Variants in FREM3 observed in about 807,000 individuals in gnomAD.
FREM3 encodes FRAS1 related extracellular matrix 3, also known as FRAS1-related extracellular matrix protein 3.
In FREM3, 105 loss-of-function variants were observed where a neutral mutation model predicts 129.1. That is an observed-to-expected ratio of 0.81 (90% confidence interval 0.69 to 0.96). FREM3 has a LOEUF of 0.96. FREM3 is among the 40% of genes least tolerant of loss of function. The pLI, the probability that FREM3 is intolerant of heterozygous loss-of-function variation, is 0.00. For missense variants in FREM3, 2,593 were observed against 2,666.3 expected, an observed-to-expected ratio of 0.97 and a Z score of 0.61; for synonymous variants, 1,014 against 1,044.9, an observed-to-expected ratio of 0.97 and a Z score of 0.57.
intron 6 of FREM3, among the ~76,000 whole-genome samples, chr4:143,589,273 T>C (rs1489434263): frequency 2.0e-5 from 3 of 152,356 alleles, no homozygotes; most frequent in Non-Finnish European, 4.4e-5. Flanking sequence ...TTTTGGCTTT[T>C]GTTGCCATTG....
chr4:143,697,568 G>A lies in FREM3; in HGVS notation c.3108C>T (p.Ser1036=). The A allele has an allele frequency of 2.0e-6, 3 of 1,537,484 alleles. No homozygotes were observed. Among genetic ancestry groups the A allele is most frequent in the South Asian group, 1.2e-5 (1 of 84,060 alleles). Residue 1036 remains serine, a synonymous_variant, in exon 1 of 8, where the codon AGC becomes AGT. Coordinates refer to ENST00000329798, the MANE Select transcript of FREM3 (RefSeq NM_001168235.2). ...GGTAAGAATCTTTGGAGAGGATGAG[G>A]CTGAAGGCATCGTGCTGCTTTTGAA... ...VGFQKQHDAF[S]LILSKDSYQW...
At chr4:143,671,713 ACT>A (rs1253344280) in intron 2 of FREM3, among the ~76,000 whole-genome samples, 5 of 152,148 alleles carry the variant, frequency 3.3e-5, no homozygotes, top group African/African-American at 1.2e-4. Context: ...CCCACTTTTG[ACT>A]CAATATCTAA....
chr4:143,601,584 A>G (rs1738573048), intron 6 of FREM3, among the ~76,000 whole-genome samples: 1 of 152,166 alleles, frequency 6.6e-6, no homozygotes, highest in Non-Finnish European at 1.5e-5. Flanking sequence ...AGTGTTCTCA[A>G]TTTTATCTTG....
intron 5 of FREM3, among the ~76,000 whole-genome samples, chr4:143,618,964 C>G (rs564844841): frequency 6.6e-6 from 1 of 152,228 alleles, no homozygotes; most frequent in Non-Finnish European, 1.5e-5. Context: ...CTTAGCCAAA[C>G]AATGCATAAC....
intron 7 of FREM3, among the ~76,000 whole-genome samples, chr4:143,578,409 A>G (rs1738077391): frequency 1.3e-5 from 2 of 152,202 alleles, no homozygotes; most frequent in Non-Finnish European, 2.9e-5. Context: ...ATCAAATGTA[A>G]TGATCGTAAC....
At chr4:143,630,922 A>G (rs750283513) in intron 2 of FREM3, among the ~76,000 whole-genome samples, 16 of 152,154 alleles carry the variant, frequency 1.1e-4, no homozygotes, top group East Asian at 1.9e-4. Flanking sequence ...TAACAACTCA[A>G]TGGGGTTTTG....
chr4:143,613,851 C>T (rs993294965), intron 5 of FREM3, among the ~76,000 whole-genome samples: 1 of 152,160 alleles, frequency 6.6e-6, no homozygotes, highest in Non-Finnish European at 1.5e-5. Flanking sequence ...CGCATAGTAA[C>T]TAACACTATC....
At chr4:143,579,736 A>G (rs777650882) in intron 7 of FREM3, among the ~76,000 whole-genome samples, 11 of 152,238 alleles carry the variant, frequency 7.2e-5, no homozygotes, top group African/African-American at 1.2e-4. Flanking sequence ...TATAATAATT[A>G]TTAATGTAAC....
chr4:143,679,456 T>C (rs551873486), intron 2 of FREM3, among the ~76,000 whole-genome samples: 1 of 152,288 alleles, frequency 6.6e-6, no homozygotes, highest in East Asian at 1.9e-4. Context: ...ACTTATAAGA[T>C]GATCAAAAGT....
At chr4:143,662,876 G>A (rs1739764628) in intron 2 of FREM3, among the ~76,000 whole-genome samples, 2 of 151,998 alleles carry the variant, frequency 1.3e-5, no homozygotes, top group African/African-American at 2.4e-5. Context: ...TTGGTTTAAA[G>A]TGTGTTTTAT....
chr4:143,692,175 C>T (rs1030805353), intron 2 of FREM3, among the ~76,000 whole-genome samples: 4 of 152,078 alleles, frequency 2.6e-5, no homozygotes, highest in African/African-American at 9.7e-5. Context: ...TTAGTCAATC[C>T]TCTTAGCAAC....
At chr4:143,591,117 A>C (rs1738352302) in intron 6 of FREM3, among the ~76,000 whole-genome samples, 1 of 151,348 alleles carries the variant, frequency 6.6e-6, no homozygotes, top group East Asian at 1.9e-4. Flanking sequence ...CGTCTATTTG[A>C]TTCTTCTCTC....
chr4:143,619,909 A>C (rs189702627), intron 5 of FREM3, among the ~76,000 whole-genome samples: 1 of 152,298 alleles, frequency 6.6e-6, no homozygotes, highest in Admixed American at 6.5e-5. Context: ...TGGGAGAGGA[A>C]GAAAAGCTGG....
At chr4:143,601,583 A>G (rs1393639777) in intron 6 of FREM3, among the ~76,000 whole-genome samples, 1 of 152,212 alleles carries the variant, frequency 6.6e-6, no homozygotes, top group African/African-American at 2.4e-5. Context: ...AAGTGTTCTC[A>G]ATTTTATCTT....
In FREM3 at chr4:143,627,687, A is replaced by C. The variant is rs1326826828; in HGVS notation, c.5349T>G (p.Ile1783Met). Residue 1783 changes from isoleucine (I) to methionine (M), a missense_variant, in exon 3 of 8, where the codon ATT becomes ATG. Physicochemically the swap from Ile to Met is conservative, Grantham distance 10. Transcript: ENST00000329798. ...CTAAGAATGTGGAATCTTCATCCAC[A>C]ATGTAGTACTCTTTCTCCAAACAAA... ...AWICLEKEYY[I>M]VDEDSTFLEV... The C allele has an allele frequency of 2.0e-6, 3 of 1,533,798 alleles. No individual in the cohort carries two copies. The highest frequency in any genetic ancestry group is 2.4e-5 in the South Asian group (2 of 83,976).
At position 143,611,315 on chromosome 4, in the gene FREM3, T is replaced by G; in HGVS notation, c.5992A>C (p.Thr1998Pro). 6.5e-7 allele frequency: 1 copy of G among 1,536,980 alleles called. No individual in the cohort carries two copies. The highest frequency in any genetic ancestry group is 8.7e-7 in the Non-Finnish European group (1 of 1,146,772). ...TCAGCCAGAATAGTCACCTTAGTGG[T>G]GGGGAATCTGGCTCCCAGCTGTCCT... ...VGGQLGARFP[T>P]TKVTILADRY... is the part of the protein sequence containing the mutation. The change falls in exon 6 of 8, where the codon ACC becomes CCC. Residue 1998 changes from threonine (T) to proline (P), a missense_variant. Coordinates refer to ENST00000329798, the MANE Select transcript of FREM3 (RefSeq NM_001168235.2).
chr4:143,672,712 G>A (rs1009639325), intron 2 of FREM3, among the ~76,000 whole-genome samples: 2 of 152,118 alleles, frequency 1.3e-5, no homozygotes, highest in Non-Finnish European at 2.9e-5. Flanking sequence ...CATTCTCCCC[G>A]TCACTTTCAG....
intron 2 of FREM3, among the ~76,000 whole-genome samples, chr4:143,656,462 AC>A (rs1739602910): frequency 6.6e-6 from 1 of 152,242 alleles, no homozygotes; most frequent in African/African-American, 2.4e-5. Context: ...ATATATACAT[AC>A]AATAGAATAT....
rs1560833957 is a variant in FREM3 at position 143,585,850 on chromosome 4, C to T, written c.6172G>A (p.Ala2058Thr). Residue 2058 changes from alanine (A) to threonine (T), a missense_variant, in exon 7 of 8, where the codon GCA becomes ACA. Physicochemically the swap from Ala to Thr is moderately conservative, Grantham distance 58. Around this residue, in one of 2 missense-constraint regions of FREM3, gnomAD observed 317 missense variants for 399.0 expected, o/e 0.79. Transcript: ENST00000329798. This position sits in a 1 kb window ranked among gnomAD's most constrained non-coding sequence, Gnocchi z 4.2. ...VRSRKSEQES[A>T]EAGTDYVGIS... Reference sequence around the variant, plus strand: ...CTTTAAGTGGCCCTCTCACCTTCTGCTGACTCCTGCTCTGACTTTCTGGAG... The same window carrying T: ...CTTTAAGTGGCCCTCTCACCTTCTGTTGACTCCTGCTCTGACTTTCTGGAG... The T allele has an allele frequency of 1.3e-6, 2 of 1,537,112 alleles. No individual in the cohort carries two copies. The highest frequency in any genetic ancestry group is 2.0e-5 in the Admixed American group (1 of 50,974).
Sources: allele counts gnomAD v4.1 joint callset (sites outside exome capture counted in the v4.1 genomes callset), GRCh38; gene constraint gnomAD v4.1.1; regional missense constraint gnomAD v4.1.1; non-coding constraint Gnocchi (gnomAD v3.1); transcripts MANE v1.5; gene names NCBI Gene and HGNC (gene_info 2026-07-23, HGNC 2026-07-21).